VEPH1: variants seen among roughly 807,000 people sequenced by gnomAD.
VEPH1 encodes the protein ventricular zone-expressed PH domain-containing protein homolog 1.
Under a neutral mutation model 85.2 loss-of-function variants are expected in VEPH1, and 80 were observed. The observed-to-expected ratio is 0.94, with a 90% CI of 0.78 to 1.13. VEPH1 has a LOEUF of 1.13. VEPH1 is among the 50% of genes most tolerant of loss of function. VEPH1 has a pLI of 0.00. For synonymous variants in VEPH1, 297 were observed against 348.0 expected, an observed-to-expected ratio of 0.85 and a Z score of 1.63; for missense variants, 955 against 980.5, an observed-to-expected ratio of 0.97 and a Z score of 0.35.
chr3:157,361,346 T>G (rs1726029292), intron 9 of VEPH1, among the ~76,000 whole-genome samples: 1 of 152,220 alleles, frequency 6.6e-6, no homozygotes, highest in African/African-American at 2.4e-5. Context: ...ATGTTATCAC[T>G]AAACATTTGA....
At chr3:157,334,611 C>A (rs1362720373) in intron 9 of VEPH1, among the ~76,000 whole-genome samples, 1 of 152,098 alleles carries the variant, frequency 6.6e-6, no homozygotes, top group Admixed American at 6.6e-5. Flanking sequence ...AGACATTGGG[C>A]TGAGTGTTAA....
intron 4 of VEPH1, 25 bp downstream of exon 4, chr3:157,460,156 C>T: frequency 7.4e-6 from 12 of 1,614,136 alleles, no homozygotes; most frequent in Non-Finnish European, 1.0e-5. Context: ...AAAACATGTC[C>T]CCAAGCTCAA....
intron 9 of VEPH1, among the ~76,000 whole-genome samples, chr3:157,326,087 TG>T (rs10711621): frequency 0.058 from 8,774 of 152,230 alleles, 297 homozygotes; most frequent in South Asian, 0.1. Flanking sequence ...TTATTCTTTT[TG>T]TGGTAATTGT....
rs748403293 is a variant in VEPH1 at position 157,261,281 on chromosome 3, G to A, written c.2355C>T (p.Pro785=). ...TGTCTGTGAAGATTTCGAAAGCCCG[G>A]GGGAGAGAGCGGTCCCTGCGTTTCT... The part of the protein sequence containing the change: ...VAKKRRDRSL[P]RAFEIFTDNK... Residue 785 remains proline (P), a synonymous_variant, in exon 14 of 14, where the codon CCC becomes CCT. Transcript: ENST00000362010. 1.2e-6 allele frequency: 2 copies of A among 1,613,690 alleles called. No individual in the cohort carries two copies. Among genetic ancestry groups the A allele is most frequent in the East Asian group, 4.5e-5 (2 of 44,842 alleles).
intron 11 of VEPH1, among the ~76,000 whole-genome samples, chr3:157,313,318 G>C (rs551187284): frequency 1.6e-4 from 25 of 152,100 alleles, no homozygotes; most frequent in African/African-American, 5.3e-4. Flanking sequence ...ACAGATAAAA[G>C]TCACCACACC....
rs141614137 is a variant in VEPH1 at position 157,308,009 on chromosome 3, G to A, written c.2010+5612C>T. Among the ~76,000 whole-genome samples, 21 of 151,512 alleles carry A rather than the reference G, an allele frequency of 1.4e-4. No homozygotes were observed. The East Asian group carries it at 2.1e-3, about 15-fold the overall frequency. On this transcript the variant is annotated intron_variant, in intron 11 of 13. Coordinates refer to ENST00000362010, the MANE Select transcript of VEPH1 (RefSeq NM_001167912.2). ...CATTTTCTATTTAGTTATTACTCAC[G>A]TATAGATTTGTTATTGATTTTATAT...
chr3:157,333,275 C>G (rs1156952134), intron 9 of VEPH1, among the ~76,000 whole-genome samples: 2 of 152,112 alleles, frequency 1.3e-5, no homozygotes, highest in Non-Finnish European at 1.5e-5. Context: ...TCACTCAGTT[C>G]TGGGATGAGG....
intron 4 of VEPH1, among the ~76,000 whole-genome samples, chr3:157,450,571 A>AATATAT (rs535587202): frequency 6.7e-6 from 1 of 149,874 alleles, no homozygotes; most frequent in East Asian, 1.9e-4. Flanking sequence ...TATATAGTGA[A>AATATAT]ATATATATAT....
chr3:157,313,559 A>G, intron 11 of VEPH1, 62 bp downstream of exon 11: 1 of 1,548,492 alleles, frequency 6.5e-7, no homozygotes, highest in Non-Finnish European at 8.7e-7. Context: ...AAAAAAAGGG[A>G]AACTGTTTCA....
At chr3:157,493,912 T>G (rs1277909525) in intron 2 of VEPH1, among the ~76,000 whole-genome samples, 3 of 152,182 alleles carry the variant, frequency 2.0e-5, no homozygotes, top group Non-Finnish European at 2.9e-5. Flanking sequence ...TGAAAACCAG[T>G]GTAATTTTCA....
chr3:157,409,638 G>A (rs1018408838), intron 6 of VEPH1: 12 of 985,242 alleles, frequency 1.2e-5, no homozygotes, highest in Non-Finnish European at 1.4e-5. Flanking sequence ...AATATAGATG[G>A]AAAAATTGTG....
chr3:157,411,618 TA>T (rs752211276), intron 6 of VEPH1, among the ~76,000 whole-genome samples: 3 of 152,308 alleles, frequency 2.0e-5, no homozygotes, highest in Middle Eastern at 3.4e-3. Context: ...TGACATTATT[TA>T]AAAGCTCCTC....
intron 9 of VEPH1, among the ~76,000 whole-genome samples, chr3:157,356,570 C>G (rs542254475): frequency 4.6e-5 from 7 of 152,284 alleles, no homozygotes; most frequent in South Asian, 2.1e-4. Flanking sequence ...ATCTACCCTC[C>G]TCCACCCCCA....
At chr3:157,324,538 A>G (rs78291544) in intron 9 of VEPH1, among the ~76,000 whole-genome samples, 325 of 151,814 alleles carry the variant, frequency 2.1e-3, no homozygotes, top group African/African-American at 7.2e-3. Context: ...GCTTCCCTCT[A>G]TGTGTTCTCA....
At chr3:157,407,459 T>A (rs1731230616) in intron 6 of VEPH1, among the ~76,000 whole-genome samples, 1 of 152,278 alleles carries the variant, frequency 6.6e-6, no homozygotes, top group African/African-American at 2.4e-5. Flanking sequence ...GCGATACAAA[T>A]GTAAAACAGA....
rs138898586 is a variant in VEPH1, at chr3:157,436,987, G to C, written c.530-8499C>G. On this transcript the variant is annotated intron_variant, in intron 4 of 13. Coordinates refer to ENST00000362010, the MANE Select transcript of VEPH1 (RefSeq NM_001167912.2). ...CTCTCTGGTCTGCAGTGTTGGCCGA[G>C]AACTCGGATGATTATGATCTCATGT... is the stretch of plus-strand genomic sequence containing the variant. 9.5e-4 allele frequency: 1,536 copies of C among 1,614,036 alleles called. 13 individuals are homozygous for C. In the African/African-American group the frequency reaches 0.018, roughly 19 times the overall value.
At chr3:157,342,906 A>T (rs1723749821) in intron 9 of VEPH1, among the ~76,000 whole-genome samples, 1 of 152,240 alleles carries the variant, frequency 6.6e-6, no homozygotes, top group African/African-American at 2.4e-5. Flanking sequence ...TGGAAACTGA[A>T]CAACCTGCTC....
At chr3:157,380,189 A>G (rs1011339031) in intron 7 of VEPH1, among the ~76,000 whole-genome samples, 29 of 152,006 alleles carry the variant, frequency 1.9e-4, no homozygotes, top group African/African-American at 6.3e-4. Context: ...CCTCACCTCA[A>G]TCGTCAATAA....
At chr3:157,432,538 C>A (rs1733251817) in intron 4 of VEPH1, among the ~76,000 whole-genome samples, 1 of 152,004 alleles carries the variant, frequency 6.6e-6, no homozygotes, top group African/African-American at 2.4e-5. Context: ...ATAATTTTTT[C>A]TATTGAGTAG....
Sources: gnomAD v4.1 joint callset for allele counts (sites outside exome capture counted in the v4.1 genomes callset) on GRCh38, gnomAD v4.1.1 for gene constraint, MANE v1.5 for transcripts, NCBI Gene and HGNC (gene_info 2026-07-23, HGNC 2026-07-21) for gene names.